Variants in PELI2 observed in about 807,000 individuals in gnomAD.
PELI2 encodes the protein E3 ubiquitin-protein ligase pellino homolog 2.
A neutral mutation model predicts 42.3 loss-of-function variants in PELI2; 23 were observed. The observed-to-expected ratio is 0.54, with a 90% CI of 0.39 to 0.77. The LOEUF (loss-of-function observed/expected upper bound fraction) is 0.77. Ranked by LOEUF, PELI2 falls within the 30% of genes least tolerant of loss-of-function variation. The probability of loss-of-function intolerance (pLI) is 0.00; values close to 1 mark genes in which losing one functional copy is unlikely to be tolerated. For missense variants in PELI2, 463 were observed against 553.2 expected (o/e 0.84, Z 1.64); for synonymous variants, 245 against 212.2 (o/e 1.15, Z -1.34).
intron 2 of PELI2, among the ~76,000 whole-genome samples, chr14:56,277,776 A>C (rs1302862238): frequency 6.6e-6 from 1 of 152,176 alleles, no homozygotes; most frequent in Non-Finnish European, 1.5e-5. Context: ...CAAATGTGTT[A>C]GGGAATAAAA....
intron 2 of PELI2, among the ~76,000 whole-genome samples, chr14:56,206,618 T>C (rs1886527470): frequency 6.6e-6 from 1 of 152,242 alleles, no homozygotes; most frequent in Non-Finnish European, 1.5e-5. Flanking sequence ...TGGTTTCCCT[T>C]CAGATGTTTT....
intron 2 of PELI2, among the ~76,000 whole-genome samples, chr14:56,263,245 G>A (rs1486216891): frequency 1.3e-5 from 2 of 152,146 alleles, no homozygotes; most frequent in African/African-American, 2.4e-5. Context: ...ACAGGCATGA[G>A]CCACCGCACC....
At chr14:56,151,547 T>C (rs551003603) in intron 1 of PELI2, among the ~76,000 whole-genome samples, 82 of 152,372 alleles carry the variant, frequency 5.4e-4, no homozygotes, top group African/African-American at 1.9e-3. Context: ...TAGGACCTGA[T>C]GTCACAGTGT....
chr14:56,120,737 C>G (rs1883030901), intron 1 of PELI2, among the ~76,000 whole-genome samples: 1 of 152,140 alleles, frequency 6.6e-6, no homozygotes, highest in Non-Finnish European at 1.5e-5. Flanking sequence ...TAATAAGTGA[C>G]AATTTCAGGT....
chr14:56,121,356 A>G (rs1368628199), intron 1 of PELI2, among the ~76,000 whole-genome samples: 3 of 152,148 alleles, frequency 2.0e-5, no homozygotes, highest in East Asian at 1.9e-4. Flanking sequence ...GTCTATATCC[A>G]TATCTAAATA....
At chr14:56,251,896 T>C (rs979108408) in intron 2 of PELI2, among the ~76,000 whole-genome samples, 1 of 152,240 alleles carries the variant, frequency 6.6e-6, no homozygotes, top group Non-Finnish European at 1.5e-5. Flanking sequence ...TGGATTCTTA[T>C]CTAGATTGAC....
At position 56,273,423 on chromosome 14, in the gene PELI2, A is replaced by G. The variant is rs79357643; in HGVS notation, c.208-6253A>G. ...AGCTACTGAAGCCAGCCCAGATGCC[A>G]GATGATACATGATGATTGCACAAAA... On this transcript the variant is annotated intron_variant, in intron 2 of 5. Transcript: ENST00000267460. The surrounding 1 kb of genome is among the most constrained non-coding windows in gnomAD (Gnocchi z 4.3). Among the ~76,000 whole-genome samples the G allele has an allele frequency of 0.016, 2,378 of 152,350 alleles. 69 individuals carry two copies. The highest frequency in any genetic ancestry group is 0.054 in the African/African-American group (2,249 of 41,572).
chr14:56,245,895 T>C (rs1888134913), intron 2 of PELI2, among the ~76,000 whole-genome samples: 1 of 152,242 alleles, frequency 6.6e-6, no homozygotes, highest in South Asian at 2.1e-4. Flanking sequence ...TATTAATACA[T>C]ATATTATATG....
intron 2 of PELI2, among the ~76,000 whole-genome samples, chr14:56,262,580 CATAG>C (rs760686256): frequency 4.3e-4 from 65 of 152,040 alleles, no homozygotes; most frequent in South Asian, 8.3e-4. Flanking sequence ...AATTCTTTAC[CATAG>C]ATAGAATGTA....
chr14:56,157,124 G>C (rs933599358), intron 1 of PELI2, among the ~76,000 whole-genome samples: 2 of 152,182 alleles, frequency 1.3e-5, no homozygotes, highest in African/African-American at 4.8e-5. Flanking sequence ...TTTGCAGCCA[G>C]TGGGTTAATG....
At chr14:56,208,065 G>A (rs1021094073) in intron 2 of PELI2, among the ~76,000 whole-genome samples, 1 of 152,246 alleles carries the variant, frequency 6.6e-6, no homozygotes, top group Admixed American at 6.5e-5. Context: ...TCAAAGTGCT[G>A]TGTTATCAAG....
intron 1 of PELI2, among the ~76,000 whole-genome samples, chr14:56,144,419 C>T (rs180861776): frequency 1.4e-3 from 214 of 152,332 alleles, no homozygotes; most frequent in Non-Finnish European, 2.2e-3. Context: ...TTCAGGGAAG[C>T]CAGAGTTCTG....
chr14:56,232,128 A>T (rs1355215626), intron 2 of PELI2, among the ~76,000 whole-genome samples: 1 of 152,176 alleles, frequency 6.6e-6, no homozygotes, highest in African/African-American at 2.4e-5. Flanking sequence ...TAGCTTACCA[A>T]CCAAAAAAAG....
chr14:56,281,548 A>C (rs973710893), intron 3 of PELI2, among the ~76,000 whole-genome samples: 3 of 152,268 alleles, frequency 2.0e-5, no homozygotes, highest in Admixed American at 2.0e-4. Context: ...TTGAGAAAGA[A>C]AGAATATTTT....
chr14:56,142,089 T>G (rs553708787), intron 1 of PELI2, among the ~76,000 whole-genome samples: 1 of 152,320 alleles, frequency 6.6e-6, no homozygotes, highest in Admixed American at 6.5e-5. Flanking sequence ...GACGTCACTG[T>G]GGGCTCATAA....
At chr14:56,266,813 A>G (rs561519629) in intron 2 of PELI2, among the ~76,000 whole-genome samples, 5 of 152,214 alleles carry the variant, frequency 3.3e-5, no homozygotes, top group African/African-American at 1.2e-4. Flanking sequence ...TACTGCTTGT[A>G]AAATAAAATT....
chr14:56,286,702 T>C (rs1016558334), intron 3 of PELI2, among the ~76,000 whole-genome samples: 2 of 152,196 alleles, frequency 1.3e-5, no homozygotes, highest in Non-Finnish European at 2.9e-5. Flanking sequence ...ATTGAGTGAT[T>C]TTTCAGCAGG....
intron 2 of PELI2, among the ~76,000 whole-genome samples, chr14:56,236,296 A>T (rs1034181329): frequency 1.3e-4 from 20 of 152,220 alleles, no homozygotes; most frequent in African/African-American, 4.8e-4. Flanking sequence ...TGCAGAGATA[A>T]GCTGTCATGT....
At chr14:56,161,268 A>G (rs1168292021) in intron 1 of PELI2, among the ~76,000 whole-genome samples, 4 of 145,966 alleles carry the variant, frequency 2.7e-5, no homozygotes, top group African/African-American at 7.5e-5. Flanking sequence ...TTTTATTAGC[A>G]TTTGTCAGGG....
Sources: allele counts gnomAD v4.1 joint callset (sites outside exome capture counted in the v4.1 genomes callset), GRCh38; gene constraint gnomAD v4.1.1; non-coding constraint Gnocchi (gnomAD v3.1); transcripts MANE v1.5; gene names NCBI Gene and HGNC (gene_info 2026-07-23, HGNC 2026-07-21).